Variants in KLF12 observed in about 807,000 individuals in gnomAD.
KLF12 encodes Krueppel-like factor 12.
A neutral mutation model predicts 37.8 loss-of-function variants in KLF12; 9 were observed. That is an observed-to-expected ratio of 0.24 (90% CI 0.14 to 0.42). The LOEUF (loss-of-function observed/expected upper bound fraction) is 0.42, where lower values mean the gene tolerates loss of function less well. Ranked by LOEUF, KLF12 falls within the 10% of genes least tolerant of loss-of-function variation. KLF12 has a pLI of 1.00. For synonymous variants in KLF12, 208 were observed against 202.1 expected (o/e 1.03, Z -0.25); for missense variants, 411 against 516.0 (o/e 0.80, Z 1.97).
chr13:73,918,369 A>G (rs1888947774), intron 3 of KLF12, among the ~76,000 whole-genome samples: 1 of 152,166 alleles, frequency 6.6e-6, no homozygotes, highest in African/African-American at 2.4e-5. Flanking sequence ...GTCTACAACT[A>G]TGTCTACTGC....
intron 3 of KLF12, among the ~76,000 whole-genome samples, chr13:73,870,401 A>G (rs1848019995): frequency 6.6e-6 from 1 of 152,222 alleles, no homozygotes. Flanking sequence ...TTAAAAATAC[A>G]TGCCAACACA....
chr13:74,063,564 A>G (rs116868013), intron 1 of KLF12, among the ~76,000 whole-genome samples: 5,888 of 152,284 alleles, frequency 0.039, 159 homozygotes, highest in Non-Finnish European at 0.061. Flanking sequence ...CCTTTCCCAC[A>G]AGTAAGGAGG....
At chr13:74,098,376 T>C (rs571035062) in intron 1 of KLF12, among the ~76,000 whole-genome samples, 82 of 152,332 alleles carry the variant, frequency 5.4e-4, no homozygotes, top group African/African-American at 1.9e-3. Flanking sequence ...ATAATGAAGA[T>C]AATTTTAACC....
At chr13:74,063,624 C>T (rs538986013) in intron 1 of KLF12, among the ~76,000 whole-genome samples, 12 of 152,248 alleles carry the variant, frequency 7.9e-5, no homozygotes, top group Non-Finnish European at 1.5e-4. Flanking sequence ...ATGTACTCAG[C>T]ATAAAATGAC....
At chr13:74,010,590 C>T (rs1892526764) in intron 1 of KLF12, among the ~76,000 whole-genome samples, 2 of 152,064 alleles carry the variant, frequency 1.3e-5, no homozygotes, top group South Asian at 2.1e-4. Flanking sequence ...GAATCTAAAA[C>T]ATGTAATTTG....
intron 1 of KLF12, among the ~76,000 whole-genome samples, chr13:74,051,512 G>A (rs1872925710): frequency 6.6e-6 from 1 of 152,106 alleles, no homozygotes. Flanking sequence ...GGGGAATGAA[G>A]ATAAAGAAAG....
intron 3 of KLF12, among the ~76,000 whole-genome samples, chr13:73,913,836 T>C (rs9543482): frequency 0.49 from 75,164 of 151,948 alleles, 18,968 homozygotes; most frequent in Middle Eastern, 0.55. Context: ...ACTGTACAAG[T>C]AGCATGGGCC....
intron 3 of KLF12, among the ~76,000 whole-genome samples, chr13:73,879,259 T>C (rs1886866442): frequency 6.6e-6 from 1 of 152,182 alleles, no homozygotes; most frequent in Non-Finnish European, 1.5e-5. Context: ...TGCCGGTTCT[T>C]CTTTTCACAG....
intron 2 of KLF12, among the ~76,000 whole-genome samples, chr13:73,973,957 C>G (rs1345849467): frequency 6.6e-6 from 1 of 151,640 alleles, no homozygotes. Context: ...ACTCAGTACT[C>G]GTAAACACAA....
chr13:73,868,020 C>G (rs1429137135), intron 3 of KLF12, among the ~76,000 whole-genome samples: 1 of 145,284 alleles, frequency 6.9e-6, no homozygotes, highest in Non-Finnish European at 1.5e-5. Flanking sequence ...AGCGAAACTC[C>G]TTCTCAAAAA....
chr13:73,889,671 A>G (rs1594215677), intron 3 of KLF12, among the ~76,000 whole-genome samples: 1 of 152,190 alleles, frequency 6.6e-6, no homozygotes, highest in African/African-American at 2.4e-5. Flanking sequence ...CAAGAGTATC[A>G]TTACATTTTT....
intron 3 of KLF12, among the ~76,000 whole-genome samples, chr13:73,909,880 C>G (rs1412744863): frequency 1.3e-5 from 2 of 152,018 alleles, no homozygotes; most frequent in African/African-American, 4.8e-5. Context: ...TCCAAGAATC[C>G]TCTCAATTTG....
At chr13:73,928,693 T>C (rs868808637) in intron 3 of KLF12, among the ~76,000 whole-genome samples, 2 of 152,352 alleles carry the variant, frequency 1.3e-5, no homozygotes, top group South Asian at 2.1e-4. Flanking sequence ...TGATTTCCCA[T>C]GACTGTCTTA....
chr13:73,906,979 C>G (rs1888332474), intron 3 of KLF12, among the ~76,000 whole-genome samples: 1 of 152,148 alleles, frequency 6.6e-6, no homozygotes, highest in Non-Finnish European at 1.5e-5. Flanking sequence ...GAGCAATCAC[C>G]ATTACAGTTA....
At chr13:73,886,083 GGCAGGT>G (rs1359854940) in intron 3 of KLF12, among the ~76,000 whole-genome samples, 1 of 152,096 alleles carries the variant, frequency 6.6e-6, no homozygotes. Flanking sequence ...ACATGACAAG[GGCAGGT>G]ACATCACAAA....
intron 1 of KLF12, among the ~76,000 whole-genome samples, chr13:74,102,454 T>C (rs1876407685): frequency 6.6e-6 from 1 of 151,758 alleles, no homozygotes. Flanking sequence ...TCCCAGCACT[T>C]TGGGAGGCTG....
intron 3 of KLF12, among the ~76,000 whole-genome samples, chr13:73,931,018 C>T (rs532858503): frequency 3.2e-4 from 49 of 151,848 alleles, no homozygotes; most frequent in East Asian, 9.7e-4. Flanking sequence ...CACCATGTCT[C>T]GCTAATTTTT....
chr13:74,044,699 GC>G (rs767554826), intron 1 of KLF12, among the ~76,000 whole-genome samples: 1 of 151,912 alleles, frequency 6.6e-6, no homozygotes, highest in Non-Finnish European at 1.5e-5. Flanking sequence ...CAAAAAATTT[GC>G]CAGATGTAGT....
intron 7 of KLF12, among the ~76,000 whole-genome samples, chr13:73,708,209 C>T (rs1875094229): frequency 6.6e-6 from 1 of 152,012 alleles, no homozygotes; most frequent in Non-Finnish European, 1.5e-5. Context: ...AATGTGACTA[C>T]CTTAAGTTTA....
Sources: gnomAD v4.1 joint callset for allele counts (sites outside exome capture counted in the v4.1 genomes callset) on GRCh38, gnomAD v4.1.1 for gene constraint, MANE v1.5 for transcripts, NCBI Gene and HGNC (gene_info 2026-07-23, HGNC 2026-07-21) for gene names.